SPECC1: variants seen among roughly 807,000 people sequenced by gnomAD.
SPECC1 encodes cytospin-B.
Under a neutral mutation model 104.1 loss-of-function variants are expected in SPECC1, and 62 were observed. The ratio of observed to expected loss-of-function variants is 0.60; its 90% CI spans 0.49 to 0.74. SPECC1 has a LOEUF of 0.74. Ranked by LOEUF, SPECC1 falls within the 30% of genes least tolerant of loss-of-function variation. The probability of loss-of-function intolerance (pLI) is 0.00; values close to 1 mark genes in which losing one functional copy is unlikely to be tolerated. For missense variants in SPECC1, 1,306 were observed against 1,310.5 expected (o/e 1.00, Z 0.05); for synonymous variants, 513 against 501.6 (o/e 1.02, Z -0.30).
At chr17:20,293,189 A>G (rs907590600) in intron 12 of SPECC1, among the ~76,000 whole-genome samples, 1 of 152,116 alleles carries the variant, frequency 6.6e-6, no homozygotes, top group African/African-American at 2.4e-5. Context: ...ATAAAAACCT[A>G]AATGAGATTA....
intron 5 of SPECC1, among the ~76,000 whole-genome samples, chr17:20,227,947 CCAG>C (rs1330991202): frequency 6.6e-6 from 1 of 151,808 alleles, no homozygotes; most frequent in Non-Finnish European, 1.5e-5. Context: ...ACTAAAGAAA[CCAG>C]CAGCAGTGGG....
intron 3 of SPECC1, among the ~76,000 whole-genome samples, chr17:20,165,627 C>T (rs537305122): frequency 6.6e-6 from 1 of 152,220 alleles, no homozygotes; most frequent in Non-Finnish European, 1.5e-5. Context: ...TTTGAGGAAT[C>T]GCTGCACTGT....
At chr17:20,310,891 T>C (rs753184282) in intron 14 of SPECC1, among the ~76,000 whole-genome samples, 2 of 152,220 alleles carry the variant, frequency 1.3e-5, no homozygotes, top group Non-Finnish European at 2.9e-5. Flanking sequence ...TTTACCATTT[T>C]GGGCATTTTT....
At chr17:20,100,886 A>C (rs1461279479) in intron 2 of SPECC1, among the ~76,000 whole-genome samples, 1 of 151,458 alleles carries the variant, frequency 6.6e-6, no homozygotes, top group African/African-American at 2.4e-5. Context: ...TCATTGTTCA[A>C]CTCCCACTTA....
intron 14 of SPECC1, among the ~76,000 whole-genome samples, chr17:20,308,663 A>C (rs1229472503): frequency 6.6e-6 from 1 of 152,244 alleles, no homozygotes; most frequent in Non-Finnish European, 1.5e-5. Flanking sequence ...ACACACACAA[A>C]GAAAAAATAT....
chr17:20,194,991 G>A (rs1349200599), intron 3 of SPECC1, among the ~76,000 whole-genome samples: 2 of 152,138 alleles, frequency 1.3e-5, no homozygotes, highest in African/African-American at 2.4e-5. Flanking sequence ...AAGTTTCCTT[G>A]ACTCTGAAAA....
At chr17:20,298,946 A>AGTGTGTGTGTGTGTGTGT (rs1199023279) in intron 13 of SPECC1, among the ~76,000 whole-genome samples, 1 of 45,794 alleles carries the variant, frequency 2.2e-5, no homozygotes, top group Non-Finnish European at 3.7e-5. Context: ...AGAGAGAGAG[A>AGTGTGTGTGTGTGTGTGT]GAGTGTGTGT....
At chr17:20,283,982 G>A (rs2040861097) in intron 12 of SPECC1, among the ~76,000 whole-genome samples, 1 of 152,190 alleles carries the variant, frequency 6.6e-6, no homozygotes, top group South Asian at 2.1e-4. Context: ...CTTTCTTTAA[G>A]TCAGATTTCT....
chr17:20,026,072 G>T (rs1468076158), intron 1 of SPECC1, among the ~76,000 whole-genome samples: 2 of 151,328 alleles, frequency 1.3e-5, no homozygotes, highest in Admixed American at 1.3e-4. Flanking sequence ...TTTTGTTGTT[G>T]TTCTTGAGTT....
chr17:20,292,395 A>G (rs2041201494), intron 12 of SPECC1, among the ~76,000 whole-genome samples: 1 of 151,834 alleles, frequency 6.6e-6, no homozygotes, highest in Admixed American at 6.6e-5. Context: ...CAGTGGCGCT[A>G]TCTCAGCTGA....
intron 1 of SPECC1, among the ~76,000 whole-genome samples, chr17:20,045,183 T>C (rs535320227): frequency 1.3e-5 from 2 of 152,316 alleles, no homozygotes; most frequent in East Asian, 1.9e-4. Context: ...AATTAGCTCA[T>C]ACTGACTATC....
rs543161858 is a variant in SPECC1, at chr17:20,013,734, C to T, written c.-22+4310C>T. Among the ~76,000 whole-genome samples, 200 of 152,042 alleles carry T rather than the reference C, an allele frequency of 1.3e-3. 1 individual carries two copies. Among genetic ancestry groups the T allele is most frequent in the South Asian group, 0.012 (59 of 4,822 alleles). ...GCCAGGCTAGTCTCAAATTTCTGAC[C>T]TCAAGTGATCTGCCTGCCTTACCCG... On this transcript the variant is annotated intron_variant, in intron 1 of 14. Transcript: ENST00000395527.
chr17:20,186,937 T>G (rs943719605), intron 3 of SPECC1, among the ~76,000 whole-genome samples: 35 of 152,218 alleles, frequency 2.3e-4, no homozygotes, highest in African/African-American at 8.2e-4. Flanking sequence ...TGGGTTGGTT[T>G]GTTTTCAACT....
At chr17:20,227,966 A>G (rs1238633873) in intron 5 of SPECC1, among the ~76,000 whole-genome samples, 9 of 136,070 alleles carry the variant, frequency 6.6e-5, no homozygotes, top group Non-Finnish European at 1.6e-4. Flanking sequence ...GTGGGTGACG[A>G]GGGGGGGTGG....
intron 5 of SPECC1, 65 bp from the exon 6 acceptor site, chr17:20,231,693 C>G (rs762766471): frequency 1.4e-6 from 2 of 1,464,646 alleles, no homozygotes; most frequent in East Asian, 2.3e-5. Flanking sequence ...TCTTTGCTAC[C>G]TAGCGTGTCT....
At chr17:20,028,707 T>G (rs1358723895) in intron 1 of SPECC1, among the ~76,000 whole-genome samples, 2 of 152,146 alleles carry the variant, frequency 1.3e-5, no homozygotes, top group African/African-American at 4.8e-5. Flanking sequence ...GTCTTGCAAT[T>G]CCATGTGAAT....
intron 12 of SPECC1, among the ~76,000 whole-genome samples, chr17:20,273,336 G>A (rs2040468336): frequency 6.6e-6 from 1 of 152,090 alleles, no homozygotes; most frequent in Non-Finnish European, 1.5e-5. Flanking sequence ...ACATTAGTGG[G>A]GCATGGTGGT....
chr17:20,214,159 TC>T (rs1383754681), intron 4 of SPECC1, among the ~76,000 whole-genome samples: 1 of 152,240 alleles, frequency 6.6e-6, no homozygotes, highest in Non-Finnish European at 1.5e-5. Flanking sequence ...CAAGCAGCCC[TC>T]CCACTTTAGC....
intron 13 of SPECC1, chr17:20,305,747 C>T: frequency 2.8e-6 from 1 of 351,002 alleles, no homozygotes; most frequent in South Asian, 5.7e-5. Context: ...ATGTTTATGC[C>T]ATAAATCTTG....
Sources: allele counts gnomAD v4.1 joint callset (sites outside exome capture counted in the v4.1 genomes callset), GRCh38; gene constraint gnomAD v4.1.1; transcripts MANE v1.5; gene names NCBI Gene and HGNC (gene_info 2026-07-23, HGNC 2026-07-21).